CP: variants seen among roughly 807,000 people sequenced by gnomAD.
CP encodes ceruloplasmin, also known as caeruloplasmin.
In CP, 64 loss-of-function variants were observed where a neutral mutation model predicts 122.4. The ratio of observed to expected loss-of-function variants is 0.52; its 90% CI spans 0.43 to 0.64. The LOEUF is 0.64. CP is among the 30% of genes least tolerant of loss of function. The pLI, the probability that CP is intolerant of heterozygous loss-of-function variation, is 0.00. For missense variants in CP, 1,167 were observed against 1,284.4 expected (o/e 0.91, Z 1.40); for synonymous variants, 440 against 436.4 (o/e 1.01, Z -0.10).
At chr3:149,192,910 C>CAG (rs1726635329) in intron 9 of CP, among the ~76,000 whole-genome samples, 1 of 151,912 alleles carries the variant, frequency 6.6e-6, no homozygotes, top group Non-Finnish European at 1.5e-5. Flanking sequence ...CTCTCCTACA[C>CAG]TTTACGCAGT....
intron 9 of CP, among the ~76,000 whole-genome samples, chr3:149,196,838 T>G (rs1323650890): frequency 6.6e-6 from 1 of 152,234 alleles, no homozygotes; most frequent in East Asian, 1.9e-4. Context: ...AGCCAAGCCA[T>G]CGCATCCCCT....
chr3:149,215,982 G>A (rs755252773), intron 1 of CP, among the ~76,000 whole-genome samples: 75 of 152,228 alleles, frequency 4.9e-4, no homozygotes, highest in Non-Finnish European at 4.0e-4. Flanking sequence ...TATTGCTTTG[G>A]TAAGATATTA....
chr3:149,170,386 T>C (rs1409240862), downstream of CP: 2 of 152,222 alleles, frequency 1.3e-5, no homozygotes, highest in Admixed American at 6.5e-5. Context: ...TAATTCATAT[T>C]TTTCACATAC....
chr3:149,188,490 C>CAAAAAAAAAAAAAAAAAAAAAAAAAAAAA (rs60815739), intron 9 of CP, among the ~76,000 whole-genome samples: 1 of 46,088 alleles, frequency 2.2e-5, no homozygotes, highest in Non-Finnish European at 4.4e-5. Context: ...TTGAAGCCTC[C>CAAAAAAAAAAAAAAAAAAAAAAAAAAAAA]AAAAAAAAAA....
chr3:149,167,936 T>C (rs1351803827), downstream of CP: 1 of 1,608,068 alleles, frequency 6.2e-7, no homozygotes, highest in Admixed American at 1.7e-5. Flanking sequence ...TGTCAGAGAA[T>C]AAAATGTGGT....
In CP at chr3:149,198,006, A is replaced by G. The variant is rs1727015706; in HGVS notation, c.1713+361T>C. Among the ~76,000 whole-genome samples, 3 of 152,328 alleles carry G rather than the reference A, an allele frequency of 2.0e-5. No individual in the cohort carries two copies. The South Asian group carries it at 6.2e-4, about 32-fold the overall frequency. ...ATAAAAAGTAAAATCAAGACATGGG[A>G]AATTTCTACAGGACCAATGACTCTT... On this transcript the variant is annotated intron_variant, in intron 9 of 18. Transcript: ENST00000264613.
chr3:149,188,502 A>C (rs1268418941), intron 9 of CP, among the ~76,000 whole-genome samples: 1 of 149,146 alleles, frequency 6.7e-6, no homozygotes, highest in African/African-American at 2.5e-5. Flanking sequence ...AAAAAAAAAA[A>C]AAAAAAAAAA....
downstream of CP, among the ~76,000 whole-genome samples, chr3:149,169,749 T>C (rs1724794078): frequency 6.6e-6 from 1 of 152,222 alleles, no homozygotes; most frequent in Admixed American, 6.5e-5. Flanking sequence ...TTGGTTGTTT[T>C]AGGGAAATAT....
rs35358355 is a variant in CP at position 149,206,073 on chromosome 3, A to G, written c.1208+95T>C. On this transcript the variant is annotated intron_variant, in intron 6 of 18. Coordinates refer to ENST00000264613, the MANE Select transcript of CP (RefSeq NM_000096.4). ...GCAGTCTAGTTACTCAATTTCAGAT[A>G]CCAATTAAAATTTTAATTGCTGAAT... 2.9e-3 allele frequency: 3,288 copies of G among 1,140,112 alleles called. 6 individuals are homozygous for G. Among genetic ancestry groups the G allele is most frequent in the Non-Finnish European group, 3.5e-3 (2,657 of 769,180 alleles). 70.6% of individuals were successfully genotyped at this position (1,140,112 alleles called of 1,614,324 possible). A position where few individuals can be genotyped will look rare whatever the true frequency, so the allele number is the denominator to read the frequency against.
intron 4 of CP, 39 bp downstream of exon 4, chr3:149,209,172 G>GA (rs760232187): frequency 1.7e-5 from 28 of 1,610,936 alleles, no homozygotes; most frequent in Middle Eastern, 1.6e-4. Context: ...TGGATCAAGG[G>GA]AAAAAAAAGT....
intron 1 of CP, chr3:149,217,933 C>A (rs1236270582): frequency 4.6e-6 from 2 of 435,536 alleles, no homozygotes; most frequent in Non-Finnish European, 4.7e-6. Context: ...TCTTCTTGGT[C>A]ATTAGGCCTG....
rs780165171 is a variant in CP, at chr3:149,179,536, A to C, written c.2661+20T>G. On this transcript the variant is annotated intron_variant, in intron 15 of 18. Coordinates refer to ENST00000264613, the MANE Select transcript of CP (RefSeq NM_000096.4). ...TGTCTATTTTGGGAAGTGTCACAAA[A>C]CAAATGATTTGTATTTTACCTTAAC... The C allele has an allele frequency of 1.9e-6, 3 of 1,580,176 alleles. No individual in the cohort carries two copies. The African/African-American group carries it at 4.0e-5, about 21-fold the overall frequency.
chr3:149,172,030 A>G (rs1725045505), downstream of CP: 1 of 1,542,018 alleles, frequency 6.5e-7, no homozygotes, highest in East Asian at 2.3e-5. Context: ...TTGGTTGGTT[A>G]AGTAAGAAGA....
intron 1 of CP, among the ~76,000 whole-genome samples, chr3:149,213,609 A>G (rs999679514): frequency 6.6e-6 from 1 of 150,998 alleles, no homozygotes; most frequent in Non-Finnish European, 1.5e-5. Context: ...TTCCATTTGA[A>G]TAAAAACTGC....
Position 149,214,336 on chromosome 3 carries a change from T to C in CP, c.147-1638A>G, listed in dbSNP as rs567460236. On this transcript the variant is annotated intron_variant, in intron 1 of 18. Coordinates refer to ENST00000264613, the MANE Select transcript of CP (RefSeq NM_000096.4). ...GGGCAGAGTGAGCAGGTGTTGAAAA[T>C]AAGAGTCACCATTCTCTGGATTGAT... 1.0e-3 allele frequency among the ~76,000 whole-genome samples: 156 copies of C among 152,186 alleles called. 1 individual carries two copies. The highest frequency in any genetic ancestry group is 3.6e-3 in the African/African-American group (149 of 41,528).
Position 149,176,302 on chromosome 3 carries a change from G to A in CP, c.3129C>T (p.Thr1043=), listed in dbSNP as rs746317601. ...TTTCCATTCCAGCATGAATGTGGTCGGTCACATGGCAGTGGAGTAACCAAA... is the reference window on the plus strand; with the variant it reads ...TTTCCATTCCAGCATGAATGTGGTCAGTCACATGGCAGTGGAGTAACCAAA... ...PGIWLLHCHV[T]DHIHAGMETT... Residue 1043 remains threonine (T), a synonymous_variant, in exon 18 of 19, where the codon ACC becomes ACT. Transcript: ENST00000264613. The A allele has an allele frequency of 1.2e-5, 20 of 1,613,094 alleles. 1 individual carries two copies. Among genetic ancestry groups the A allele is most frequent in the African/African-American group, 6.7e-5 (5 of 74,840 alleles).
chr3:149,179,047 T>C (rs6792209), intron 15 of CP, among the ~76,000 whole-genome samples: 7,679 of 152,282 alleles, frequency 0.05, 608 homozygotes, highest in African/African-American at 0.18. Context: ...GATTTACTCA[T>C]TTGTTTGAGC....
chr3:149,177,706 G>A (rs1269656416), intron 17 of CP, 134 bp downstream of exon 17: 3 of 921,206 alleles, frequency 3.3e-6, no homozygotes, highest in Admixed American at 3.7e-5. Flanking sequence ...CCTGGGTGGG[G>A]AATCCACGGA....
Position 149,175,339 on chromosome 3 carries a change from G to A in CP, c.3181+911C>T, listed in dbSNP as rs78564532. On this transcript the variant is annotated intron_variant, in intron 18 of 18. Coordinates refer to ENST00000264613, the MANE Select transcript of CP (RefSeq NM_000096.4). Reference sequence around the variant, plus strand: ...CTGCTCTAATAAAAAGGGCATTAATGGAAATAGTTTTTCATGATGTAAGTT... The same window carrying A: ...CTGCTCTAATAAAAAGGGCATTAATAGAAATAGTTTTTCATGATGTAAGTT... Among the ~76,000 whole-genome samples, 21 of 152,200 alleles carry A rather than the reference G, an allele frequency of 1.4e-4. 1 individual carries two copies. In the East Asian group the frequency reaches 4.0e-3, roughly 29 times the overall value.
Sources: gnomAD v4.1 joint callset for allele counts (sites outside exome capture counted in the v4.1 genomes callset) on GRCh38, gnomAD v4.1.1 for gene constraint, MANE v1.5 for transcripts, NCBI Gene and HGNC (gene_info 2026-07-23, HGNC 2026-07-21) for gene names.